The following EMC1 variants were observed in gnomAD, a reference collection of about 807,000 sequenced individuals.
EMC1 encodes the protein KIAA0090.
Under a neutral mutation model 128.8 loss-of-function variants are expected in EMC1, and 103 were observed. The ratio of observed to expected loss-of-function variants is 0.80; its 90% CI spans 0.68 to 0.94. EMC1 has a LOEUF of 0.94. EMC1 is among the 40% of genes least tolerant of loss of function. EMC1 has a pLI of 0.00. For missense variants in EMC1, 1,083 were observed against 1,250.6 expected (o/e 0.87, Z 2.02); for synonymous variants, 442 against 490.4 (o/e 0.90, Z 1.30).
Position 19,240,434 on chromosome 1 carries a change from T to A in EMC1, c.649A>T (p.Thr217Ser), listed in dbSNP as rs750457976. 2.5e-6 allele frequency: 4 copies of A among 1,613,826 alleles called. 1 individual carries two copies. In the South Asian group the frequency reaches 3.3e-5, roughly 13 times the overall value. The change falls in exon 7 of 23, where the codon ACT becomes TCT. Residue 217 changes from threonine (T) to serine (S), a missense_variant. By Grantham distance (58) the Thr-to-Ser change is moderately conservative. Around this residue, in one of 3 missense-constraint regions of EMC1, gnomAD observed 544 missense variants for 572.4 expected, o/e 0.95. Coordinates refer to ENST00000477853, the MANE Select transcript of EMC1 (RefSeq NM_015047.3). The part of the protein sequence containing the change: ...GEIVQQVRVS[T>S]PWLQHLSGAC... ...CCAGACAGGTGCTGCAGCCACGGAG[T>A]TGAAACCCTAACCTACAGAAAAGTC...
At chr1:19,231,210 C>A in intron 16 of EMC1, 51 bp downstream of exon 16, 1 of 1,542,760 alleles carries the variant, frequency 6.5e-7, no homozygotes, top group Non-Finnish European at 8.7e-7. Flanking sequence ...GACCACCTGG[C>A]CCCAAACCGG....
At chr1:19,219,791 C>T (rs1178581998) in intron 21 of EMC1, 93 bp from the exon 22 acceptor site, 2 of 1,424,204 alleles carry the variant, frequency 1.4e-6, no homozygotes, top group East Asian at 2.3e-5. Flanking sequence ...TTCCAGGCTA[C>T]ATATCTAGCC....
rs914014697 is a variant in EMC1, at chr1:19,242,286, A to C, written c.509+59T>G. ...AAATGCTTCGGGTCCCTCGAGGAGA[A>C]AGAGGAGCTCCTAGAGAGTAGAACG... is the stretch of plus-strand genomic sequence containing the variant. On this transcript the variant is annotated intron_variant, in intron 5 of 22. Coordinates refer to ENST00000477853, the MANE Select transcript of EMC1 (RefSeq NM_015047.3). 6 of 1,596,530 alleles carry C rather than the reference A, an allele frequency of 3.8e-6. No individual in the cohort carries two copies. The East Asian group carries it at 1.1e-4, about 30-fold the overall frequency.
chr1:19,246,644 G>A (rs1014696156), intron 1 of EMC1, among the ~76,000 whole-genome samples: 7 of 152,050 alleles, frequency 4.6e-5, no homozygotes, highest in African/African-American at 1.7e-4. Context: ...TTAGCTGGGC[G>A]TGATGGGCAC....
rs189739363 is a variant in EMC1, at chr1:19,240,104, C to T, written c.787-119G>A. Reference sequence around the variant, plus strand: ...AGTAACTGGGCCATGGCAGGTGGCTCCAAATGCTCCAGTTCAAGTTCCCCA... The same window carrying T: ...AGTAACTGGGCCATGGCAGGTGGCTTCAAATGCTCCAGTTCAAGTTCCCCA... On this transcript the variant is annotated intron_variant, in intron 7 of 22. Transcript: ENST00000477853. 3.4e-5 allele frequency: 42 copies of T among 1,220,996 alleles called. 1 individual carries two copies. In the Admixed American group the frequency reaches 1.1e-3, roughly 32 times the overall value. 75.6% of individuals were successfully genotyped at this position (1,220,996 alleles called of 1,614,324 possible). A position where few individuals can be genotyped will look rare whatever the true frequency, so the allele number is the denominator to read the frequency against.
chr1:19,247,951 G>C (rs1350785616), intron 1 of EMC1, among the ~76,000 whole-genome samples: 1 of 152,126 alleles, frequency 6.6e-6, no homozygotes. Flanking sequence ...TTGAACCCGG[G>C]AGGTGGAGGT....
intron 11 of EMC1, among the ~76,000 whole-genome samples, chr1:19,237,461 G>A (rs538708233): frequency 6.6e-6 from 1 of 152,294 alleles, no homozygotes; most frequent in Admixed American, 6.5e-5. Context: ...GGAAGAACCT[G>A]AGTACTCCAC....
At position 19,219,161 on chromosome 1, in the gene EMC1, T is replaced by A; in HGVS notation, c.*142A>T. The A allele has an allele frequency of 2.6e-6, 2 of 756,204 alleles. No individual in the cohort carries two copies. The highest frequency in any genetic ancestry group is 4.3e-6 in the Non-Finnish European group (2 of 460,046). The allele number at this position is 756,204 out of a possible 1,614,324, so 46.8% of individuals were successfully genotyped here. On this transcript the variant is annotated 3_prime_UTR_variant, in exon 23 of 23. Coordinates refer to ENST00000477853, the MANE Select transcript of EMC1 (RefSeq NM_015047.3). ...TGTATATCCCAAAAGGAGTTCTGCG[T>A]GAAGGTCATCCATCTTCCCTACAGT... is the stretch of plus-strand genomic sequence containing the variant.
chr1:19,223,870 T>G (rs559048996), intron 18 of EMC1, among the ~76,000 whole-genome samples: 1 of 152,170 alleles, frequency 6.6e-6, no homozygotes, highest in Non-Finnish European at 1.5e-5. Flanking sequence ...AAGTCACAGA[T>G]AGCAAATGGT....
At chr1:19,228,023 T>C (rs1366677810) in intron 17 of EMC1, among the ~76,000 whole-genome samples, 7 of 152,058 alleles carry the variant, frequency 4.6e-5, no homozygotes, top group African/African-American at 9.6e-5. Context: ...CTGACCAACA[T>C]AGAGAAACCA....
chr1:19,230,960 T>A lies in EMC1; in HGVS notation c.1948A>T (p.Thr650Ser), dbSNP rs1249257015. 1.9e-6 allele frequency: 3 copies of A among 1,614,030 alleles called. No homozygotes were observed. Among genetic ancestry groups the A allele is most frequent in the Non-Finnish European group, 1.7e-6 (2 of 1,180,014 alleles). ...LLLIDDEYKV[T>S]AFPATRNVLR... ...ACATTCCGAGTGGCTGGAAAAGCTG[T>A]GACCTTGAAAAACCCAGAGAGCCCA... Residue 650 changes from threonine to serine, a missense_variant, in exon 17 of 23, where the codon ACA (threonine) becomes TCA (serine). Physicochemically the swap from Thr to Ser is moderately conservative, Grantham distance 58. Around this residue, in one of 3 missense-constraint regions of EMC1, gnomAD observed 527 missense variants for 644.1 expected, o/e 0.82. Transcript: ENST00000477853.
At chr1:19,243,526 G>A in intron 4 of EMC1, 88 bp downstream of exon 4, 1 of 1,237,084 alleles carries the variant, frequency 8.1e-7, no homozygotes, top group Non-Finnish European at 1.2e-6. Context: ...CTGGGAAAAA[G>A]CCAAAAGCCC....
intron 18 of EMC1, among the ~76,000 whole-genome samples, chr1:19,226,754 G>T (rs545871328): frequency 1.1e-4 from 16 of 151,002 alleles, no homozygotes; most frequent in Non-Finnish European, 1.6e-4. Context: ...TTTGGGGGTG[G>T]TAAAGACAAG....
At position 19,217,893 on chromosome 1, in the gene EMC1, C is replaced by T. The variant is rs574131226; in HGVS notation, c.*1410G>A. 2.0e-5 allele frequency: 3 copies of T among 152,126 alleles called. No individual in the cohort carries two copies. The highest frequency in any genetic ancestry group is 6.5e-5 in the Admixed American group (1 of 15,272). 9.4% of individuals were successfully genotyped at this position (152,126 alleles called of 1,614,324 possible). On this transcript the variant is annotated 3_prime_UTR_variant, in exon 23 of 23. Coordinates refer to ENST00000477853, the MANE Select transcript of EMC1 (RefSeq NM_015047.3). ...TTGTCATTTCCTCTTCCTTCTCTGC[C>T]ATAATCTACCATCAGCATATGACCA... is the stretch of plus-strand genomic sequence containing the variant.
chr1:19,241,808 G>C lies in EMC1; in HGVS notation c.509+537C>G, dbSNP rs528690157. On this transcript the variant is annotated intron_variant, in intron 5 of 22. Transcript: ENST00000477853. The stretch of plus-strand genomic sequence containing the variant: ...AGGCGTGAGACACCATGCCAGGCCA[G>C]AATTTGAAGTTTTGAGTCCTGCTCT... Among the ~76,000 whole-genome samples the C allele has an allele frequency of 1.3e-4, 20 of 152,248 alleles. 1 individual carries two copies. Among genetic ancestry groups the C allele is most frequent in the African/African-American group, 4.3e-4 (18 of 41,560 alleles).
At chr1:19,245,512 C>A (rs1240516850) in intron 1 of EMC1, among the ~76,000 whole-genome samples, 1 of 151,906 alleles carries the variant, frequency 6.6e-6, no homozygotes, top group African/African-American at 2.4e-5. Flanking sequence ...TAGTCAGATG[C>A]AAAGAGAGTA....
At position 19,244,801 on chromosome 1, in the gene EMC1, T is replaced by C. The variant is rs1468959596; in HGVS notation, c.220+105A>G. On this transcript the variant is annotated intron_variant, in intron 2 of 22. Coordinates refer to ENST00000477853, the MANE Select transcript of EMC1 (RefSeq NM_015047.3). ...ATCAGAATCCACTAGGAGAGGCATCTTTTGGCCAACATGTTCCTTATTCAG... is the reference window on the plus strand; with the variant it reads ...ATCAGAATCCACTAGGAGAGGCATCCTTTGGCCAACATGTTCCTTATTCAG... 4 of 1,382,438 alleles carry C rather than the reference T, an allele frequency of 2.9e-6. No homozygotes were observed. In the East Asian group the frequency reaches 9.3e-5, roughly 32 times the overall value. 85.6% of individuals were successfully genotyped at this position (1,382,438 alleles called of 1,614,324 possible).
In EMC1 at chr1:19,239,916, C is replaced by T. The variant is rs371520907; in HGVS notation, c.856G>A (p.Ala286Thr). ...VLPTQPNPVD[A>T]SRAQFFLHLS... ...TGCAGGAAGAACTGGGCCCGGGAAG[C>T]GTCCACTGGGTTGGGCTGGGTAGGC... The change falls in exon 8 of 23, where the codon GCT becomes ACT. Residue 286 changes from alanine (A) to threonine (T), a missense_variant. By Grantham distance (58) the Ala-to-Thr change is moderately conservative. Coordinates refer to ENST00000477853, the MANE Select transcript of EMC1 (RefSeq NM_015047.3). The T allele has an allele frequency of 2.5e-5, 41 of 1,613,882 alleles. No homozygotes were observed. The highest frequency in any genetic ancestry group is 4.0e-5 in the African/African-American group (3 of 74,888).
At chr1:19,251,274 C>A (rs969604358) in intron 1 of EMC1, 141 bp downstream of exon 1, 71 of 727,948 alleles carry the variant, frequency 9.8e-5, no homozygotes, top group Non-Finnish European at 1.3e-4. Flanking sequence ...AATTTTTTAA[C>A]AAGGGGCCCC....
Sources: gnomAD v4.1 joint callset for allele counts (sites outside exome capture counted in the v4.1 genomes callset) on GRCh38, gnomAD v4.1.1 for gene constraint, gnomAD v4.1.1 regional missense constraint, MANE v1.5 for transcripts, NCBI Gene and HGNC (gene_info 2026-07-23, HGNC 2026-07-21) for gene names.